PANK1: variants seen among roughly 807,000 people sequenced by gnomAD.
PANK1 encodes the protein pantothenate kinase 1, also known as pantothenic acid kinase 1.
A neutral mutation model predicts 40.1 loss-of-function variants in PANK1; 18 were observed. The ratio of observed to expected loss-of-function variants is 0.45; its 90% CI spans 0.31 to 0.67. The LOEUF is 0.67. Among genes scored for constraint, PANK1 ranks in the 30% least tolerant of loss-of-function variants. The pLI, the probability that PANK1 is intolerant of heterozygous loss-of-function variation, is 0.06. For synonymous variants in PANK1, 242 were observed against 237.7 expected, an observed-to-expected ratio of 1.02 and a Z score of -0.17; for missense variants, 457 against 599.6, an observed-to-expected ratio of 0.76 and a Z score of 2.48.
Position 89,622,267 on chromosome 10 carries a change from T to A in PANK1, c.293-10219A>T, listed in dbSNP as rs112856924. On this transcript the variant is annotated intron_variant, in intron 1 of 6. Transcript: ENST00000307534. ...CACACACAGAGCAATCTGTTGAACA[T>A]TACTCTATGAAAAGAAATTTGAGTC... Among the ~76,000 whole-genome samples, 9 of 152,350 alleles carry A rather than the reference T, an allele frequency of 5.9e-5. 1 individual carries two copies. Among genetic ancestry groups the A allele is most frequent in the African/African-American group, 2.2e-4 (9 of 41,590 alleles).
chr10:89,612,548 T>A (rs1536312), intron 1 of PANK1, among the ~76,000 whole-genome samples: 81,899 of 151,562 alleles, frequency 0.54, 22,996 homozygotes, highest in South Asian at 0.63. Flanking sequence ...CTAGGGCGCA[T>A]TTCAATGATT....
chr10:89,614,032 A>G (rs1418977189), intron 1 of PANK1: 1 of 456,572 alleles, frequency 2.2e-6, no homozygotes, highest in African/African-American at 2.0e-5. Flanking sequence ...TTCCTTAAGA[A>G]ATACAAAAGA....
intron 1 of PANK1, among the ~76,000 whole-genome samples, chr10:89,612,696 C>T (rs953314872): frequency 6.6e-6 from 1 of 152,218 alleles, no homozygotes; most frequent in Non-Finnish European, 1.5e-5. Context: ...AAGAACAACT[C>T]GCATTATATC....
At chr10:89,612,092 A>G in intron 1 of PANK1, 44 bp from the exon 2 acceptor site, 2 of 1,473,734 alleles carry the variant, frequency 1.4e-6, no homozygotes, top group Non-Finnish European at 1.9e-6. Context: ...CTATGCGTGC[A>G]AAGAAGTGTT....
At chr10:89,614,078 A>G (rs1162382392) in intron 1 of PANK1, 34 of 454,098 alleles carry the variant, frequency 7.5e-5, no homozygotes, top group South Asian at 4.7e-4. Flanking sequence ...AAGTCTGACC[A>G]GAGTCTTTTT....
In PANK1 at chr10:89,645,079, C is replaced by G; in HGVS notation, c.-188G>C. On this transcript the variant is annotated 5_prime_UTR_variant, in exon 1 of 7. Coordinates refer to ENST00000307534, the MANE Select transcript of PANK1 (RefSeq NM_148977.3). Reference sequence around the variant, plus strand: ...TGCCGACTCCCCCACCTCCTCTGCGCCCTGCCCCCCGCGCGCCGGCCCCAC... The same window carrying G: ...TGCCGACTCCCCCACCTCCTCTGCGGCCTGCCCCCCGCGCGCCGGCCCCAC... The G allele has an allele frequency of 1.3e-6, 2 of 1,517,442 alleles. No homozygotes were observed. The highest frequency in any genetic ancestry group is 1.8e-6 in the Non-Finnish European group (2 of 1,141,664). 94.0% of individuals were successfully genotyped at this position (1,517,442 alleles called of 1,614,324 possible). A position where few individuals can be genotyped will look rare whatever the true frequency, so the allele number is the denominator to read the frequency against.
chr10:89,641,029 A>G (rs535948701), intron 1 of PANK1, among the ~76,000 whole-genome samples: 3 of 152,216 alleles, frequency 2.0e-5, no homozygotes, highest in Admixed American at 2.0e-4. Flanking sequence ...TGTGTATTGT[A>G]CAATTCATAG....
chr10:89,580,090 C>T (rs1483194791), downstream of PANK1: 8 of 152,296 alleles, frequency 5.3e-5, no homozygotes, highest in East Asian at 1.2e-3. Context: ...GTATTGAAAC[C>T]TTCTTGCTCA....
rs1246066032 is a variant in PANK1, at chr10:89,619,609, T to G, written c.293-7561A>C. On this transcript the variant is annotated intron_variant, in intron 1 of 6. Coordinates refer to ENST00000307534, the MANE Select transcript of PANK1 (RefSeq NM_148977.3). Reference sequence around the variant, plus strand: ...TCCCTAATGCCAATGTCTTCCTGAATGTAAATCAGGCACCCAAGGGCTCAA... The same window carrying G: ...TCCCTAATGCCAATGTCTTCCTGAAGGTAAATCAGGCACCCAAGGGCTCAA... Among the ~76,000 whole-genome samples, 7 of 152,322 alleles carry G rather than the reference T, an allele frequency of 4.6e-5. No individual in the cohort carries two copies. The East Asian group carries it at 1.2e-3, about 25-fold the overall frequency.
chr10:89,618,111 G>C (rs966571655), intron 1 of PANK1, among the ~76,000 whole-genome samples: 3 of 152,290 alleles, frequency 2.0e-5, no homozygotes, highest in African/African-American at 7.2e-5. Context: ...GACTGGGAAG[G>C]CTCTTCCAGG....
At chr10:89,639,906 G>A (rs1841924637) in intron 1 of PANK1, among the ~76,000 whole-genome samples, 1 of 152,226 alleles carries the variant, frequency 6.6e-6, no homozygotes, top group African/African-American at 2.4e-5. Flanking sequence ...ACACATGGAT[G>A]AGCATTTTGC....
At chr10:89,607,600 C>A (rs565580550) in intron 2 of PANK1, among the ~76,000 whole-genome samples, 29 of 152,236 alleles carry the variant, frequency 1.9e-4, no homozygotes, top group Non-Finnish European at 3.4e-4. Flanking sequence ...ACAAGGTATG[C>A]CTGTATTGCA....
chr10:89,593,116 G>A, intron 5 of PANK1, 81 bp downstream of exon 5: 1 of 1,365,770 alleles, frequency 7.3e-7, no homozygotes, highest in Non-Finnish European at 1.0e-6. Flanking sequence ...ATGTAGTTGT[G>A]TAAGAGTCAA....
chr10:89,640,005 T>C (rs987365957), intron 1 of PANK1, among the ~76,000 whole-genome samples: 11 of 152,230 alleles, frequency 7.2e-5, no homozygotes, highest in Admixed American at 3.3e-4. Context: ...AGGCTTATTG[T>C]GATAGAAAAC....
chr10:89,609,310 C>T (rs779560084), intron 2 of PANK1, among the ~76,000 whole-genome samples: 8 of 152,326 alleles, frequency 5.3e-5, no homozygotes, highest in Admixed American at 2.0e-4. Flanking sequence ...GCAATCCACC[C>T]GCCTCAACCT....
chr10:89,589,459 G>C (rs1424370463), intron 5 of PANK1, among the ~76,000 whole-genome samples: 1 of 152,034 alleles, frequency 6.6e-6, no homozygotes, highest in Non-Finnish European at 1.5e-5. Flanking sequence ...TAGCTCCAGT[G>C]CACTCGTTAT....
At chr10:89,632,192 A>G (rs763095543) in intron 1 of PANK1, among the ~76,000 whole-genome samples, 11 of 152,172 alleles carry the variant, frequency 7.2e-5, no homozygotes, top group Non-Finnish European at 1.6e-4. Context: ...AAATCCCAAC[A>G]CTTTCCAAAA....
intron 2 of PANK1, among the ~76,000 whole-genome samples, chr10:89,607,978 T>G (rs1188037246): frequency 3.3e-5 from 5 of 152,134 alleles, no homozygotes; most frequent in African/African-American, 1.2e-4. Flanking sequence ...CTCATTGATT[T>G]TGAAGGCTAG....
At chr10:89,633,819 A>G (rs949977146) in intron 1 of PANK1, among the ~76,000 whole-genome samples, 1 of 152,200 alleles carries the variant, frequency 6.6e-6, no homozygotes, top group Non-Finnish European at 1.5e-5. Context: ...TCAGAGTTCA[A>G]GGCAACCCAG....
Sources: allele counts gnomAD v4.1 joint callset (sites outside exome capture counted in the v4.1 genomes callset), GRCh38; gene constraint gnomAD v4.1.1; transcripts MANE v1.5; gene names NCBI Gene and HGNC (gene_info 2026-07-23, HGNC 2026-07-21).